Variants in PCDHGA4 observed in about 807,000 individuals in gnomAD.
PCDHGA4 encodes protocadherin gamma subfamily A, 4.
A neutral mutation model predicts 54.6 loss-of-function variants in PCDHGA4; 38 were observed. The ratio of observed to expected loss-of-function variants is 0.70; its 90% CI spans 0.54 to 0.91. The LOEUF (loss-of-function observed/expected upper bound fraction) is 0.91. PCDHGA4 is among the 40% of genes least tolerant of loss of function. The pLI, the probability that PCDHGA4 is intolerant of heterozygous loss-of-function variation, is 0.00. For synonymous variants in PCDHGA4, 511 were observed against 512.9 expected (o/e 1.00, Z 0.05); for missense variants, 1,298 against 1,220.9 (o/e 1.06, Z -0.94).
chr5:141,398,125 G>C (rs1353004584), intron 1 of PCDHGA4: 1 of 1,586,808 alleles, frequency 6.3e-7, no homozygotes. Flanking sequence ...GAGAGCAAGA[G>C]GGATGGGGAG....
Position 141,432,951 on chromosome 5 carries a change from G to T in PCDHGA4, c.2515-61856G>T, listed in dbSNP as rs758046420. 1.2e-6 allele frequency: 2 copies of T among 1,614,178 alleles called. No individual in the cohort carries two copies. The highest frequency in any genetic ancestry group is 4.5e-5 in the East Asian group (2 of 44,858). On this transcript the variant is annotated intron_variant, in intron 1 of 3. Coordinates refer to ENST00000571252, the MANE Select transcript of PCDHGA4 (RefSeq NM_018917.4). This position sits in a 1 kb window ranked among gnomAD's most constrained non-coding sequence, Gnocchi z 6.0. ...CGCCTGCTGCAGGCTTCAGGAGGCGGCTTGACAGGAGCGCCGGCGTCGCAC... is the reference window on the plus strand; with the variant it reads ...CGCCTGCTGCAGGCTTCAGGAGGCGTCTTGACAGGAGCGCCGGCGTCGCAC...
In PCDHGA4 at chr5:141,490,455, G is replaced by A. The variant is rs746957706; in HGVS notation, c.2515-4352G>A. The A allele has an allele frequency of 9.3e-6, 15 of 1,614,010 alleles. No individual in the cohort carries two copies. The highest frequency in any genetic ancestry group is 2.2e-5 in the South Asian group (2 of 91,084). ...TTAAGCCTTCTGAGAACCACTACTC[G>A]CTGCTAACCAGCCAGCCTTTGGACC... On this transcript the variant is annotated intron_variant, in intron 1 of 3. Coordinates refer to ENST00000571252, the MANE Select transcript of PCDHGA4 (RefSeq NM_018917.4). The surrounding 1 kb of genome is among the most constrained non-coding windows in gnomAD (Gnocchi z 5.4).
chr5:141,414,148 G>A, intron 1 of PCDHGA4: 1 of 1,598,900 alleles, frequency 6.3e-7, no homozygotes, highest in Non-Finnish European at 8.5e-7. Flanking sequence ...AGAAATACAA[G>A]CAGAAGATGG....
intron 1 of PCDHGA4, chr5:141,423,181 C>T: frequency 1.2e-6 from 2 of 1,613,578 alleles, no homozygotes; most frequent in East Asian, 2.2e-5. Flanking sequence ...GGACCACGGC[C>T]AGCCCCCTCT....
intron 1 of PCDHGA4, chr5:141,478,878 T>A: frequency 8.0e-7 from 1 of 1,250,194 alleles, no homozygotes; most frequent in Non-Finnish European, 1.1e-6. Flanking sequence ...GAGTTTAGCT[T>A]GGTATCATTT....
chr5:141,465,240 G>C (rs569146939), intron 1 of PCDHGA4, among the ~76,000 whole-genome samples: 22 of 152,168 alleles, frequency 1.4e-4, no homozygotes, highest in African/African-American at 5.3e-4. Flanking sequence ...TCAAGTTCAA[G>C]GCACTTTTGT....
At chr5:141,399,393 CAG>C (rs1335804490) in intron 1 of PCDHGA4, 1 of 1,613,976 alleles carries the variant, frequency 6.2e-7, no homozygotes, top group Non-Finnish European at 8.5e-7. Flanking sequence ...CAGCCACAGA[CAG>C]GGGCAAGCCG....
At chr5:141,428,120 C>A in intron 1 of PCDHGA4, 1 of 1,606,526 alleles carries the variant, frequency 6.2e-7, no homozygotes, top group Non-Finnish European at 8.5e-7. Flanking sequence ...CCATCGAGCC[C>A]GGGCTTTTCA....
chr5:141,355,827 C>T lies in PCDHGA4; in HGVS notation c.720C>T (p.His240=). 1 of 1,612,834 alleles carries T rather than the reference C, an allele frequency of 6.2e-7. No individual in the cohort carries two copies. The highest frequency in any genetic ancestry group is 8.5e-7 in the Non-Finnish European group (1 of 1,179,338). Residue 240 remains histidine (H), a synonymous_variant, in exon 1 of 4, where the codon CAC becomes CAT. Transcript: ENST00000571252. ...ALDREEEAVH[H]LVLTAFDGGD... ...ATCGCGAGGAAGAGGCGGTTCACCA[C>T]CTCGTTCTCACGGCCTTCGATGGAG... is the stretch of plus-strand genomic sequence containing the variant.
intron 2 of PCDHGA4, among the ~76,000 whole-genome samples, chr5:141,505,146 A>G (rs2099844101): frequency 6.6e-6 from 1 of 152,190 alleles, no homozygotes; most frequent in Non-Finnish European, 1.5e-5. Flanking sequence ...TGGATGACAG[A>G]GTAAGACCCT....
At chr5:141,484,176 A>G (rs1044076131) in intron 1 of PCDHGA4, among the ~76,000 whole-genome samples, 1 of 152,236 alleles carries the variant, frequency 6.6e-6, no homozygotes, top group East Asian at 1.9e-4. Context: ...GCTGATCTCA[A>G]TCATTCAAGG....
At chr5:141,397,543 G>A (rs547149193) in intron 1 of PCDHGA4, among the ~76,000 whole-genome samples, 17 of 152,282 alleles carry the variant, frequency 1.1e-4, no homozygotes, top group African/African-American at 3.8e-4. Flanking sequence ...TTTGAAATCA[G>A]TATAGTATGA....
At chr5:141,456,492 G>C (rs542424798) in intron 1 of PCDHGA4, among the ~76,000 whole-genome samples, 1 of 152,284 alleles carries the variant, frequency 6.6e-6, no homozygotes, top group African/African-American at 2.4e-5. Flanking sequence ...GCTTAATAAA[G>C]GGGTTAACCA....
intron 1 of PCDHGA4, chr5:141,360,307 G>A (rs13171859): frequency 0.11 from 182,138 of 1,613,876 alleles, 11,756 homozygotes; most frequent in Non-Finnish European, 0.13. Flanking sequence ...GGGGCTCAGC[G>A]TCCGGGACTT....
rs778198822 is a variant in PCDHGA4, at chr5:141,432,802, A to C, written c.2515-62005A>C. 6.2e-7 allele frequency: 1 copy of C among 1,614,082 alleles called. No homozygotes were observed. The highest frequency in any genetic ancestry group is 1.1e-5 in the South Asian group (1 of 91,076). The stretch of plus-strand genomic sequence containing the variant: ...CGGACCTCGGCAGCCTCGAGTCTCC[A>C]GCTAACTCTGAAACCTCAGACCTCA... On this transcript the variant is annotated intron_variant, in intron 1 of 3. Transcript: ENST00000571252. This position sits in a 1 kb window ranked among gnomAD's most constrained non-coding sequence, Gnocchi z 6.0.
intron 1 of PCDHGA4, among the ~76,000 whole-genome samples, chr5:141,400,971 C>T (rs1161811260): frequency 6.6e-6 from 1 of 152,138 alleles, no homozygotes; most frequent in African/African-American, 2.4e-5. Flanking sequence ...TCATCTCTTT[C>T]TTATGTTCCT....
chr5:141,469,128 T>C (rs567164869), intron 1 of PCDHGA4, among the ~76,000 whole-genome samples: 1 of 151,692 alleles, frequency 6.6e-6, no homozygotes, highest in East Asian at 1.9e-4. Context: ...ATTTAAAAAT[T>C]AGCCAGAAAT....
At chr5:141,373,589 G>A (rs1769704620) in intron 1 of PCDHGA4, among the ~76,000 whole-genome samples, 2 of 152,242 alleles carry the variant, frequency 1.3e-5, no homozygotes, top group African/African-American at 2.4e-5. Flanking sequence ...GTGGTGAAAT[G>A]TGATGATAAT....
intron 1 of PCDHGA4, among the ~76,000 whole-genome samples, chr5:141,401,714 A>T (rs964631036): frequency 2.0e-5 from 3 of 152,226 alleles, no homozygotes; most frequent in Non-Finnish European, 4.4e-5. Flanking sequence ...CATTTTTAAG[A>T]CAAAAACTAC....
Sources: allele counts gnomAD v4.1 joint callset (sites outside exome capture counted in the v4.1 genomes callset), GRCh38; gene constraint gnomAD v4.1.1; non-coding constraint Gnocchi (gnomAD v3.1); transcripts MANE v1.5; gene names NCBI Gene and HGNC (gene_info 2026-07-23, HGNC 2026-07-21).